CAST: variants seen among roughly 807,000 people sequenced by gnomAD.
CAST encodes the protein MIR583 host.
In CAST, 76 loss-of-function variants were observed where a neutral mutation model predicts 119.6. The ratio of observed to expected loss-of-function variants is 0.64; its 90% CI spans 0.53 to 0.77. The LOEUF is 0.77. Among genes scored for constraint, CAST ranks in the 30% least tolerant of loss-of-function variants. The pLI, the probability that CAST is intolerant of heterozygous loss-of-function variation, is 0.00. For synonymous variants in CAST, 319 were observed against 331.6 expected (o/e 0.96, Z 0.41); for missense variants, 953 against 946.5 (o/e 1.01, Z -0.09).
chr5:96,740,634 A>T, intron 12 of CAST, 111 bp from the exon 13 acceptor site: 1 of 759,670 alleles, frequency 1.3e-6, no homozygotes, highest in East Asian at 2.5e-5. Context: ...AGACTTGAAC[A>T]TATAGATCTG....
At chr5:96,467,851 A>G in the CAST span, among the ~76,000 whole-genome samples, 2 of 152,140 alleles carry the variant, frequency 1.3e-5, no homozygotes, top group African/African-American at 4.8e-5. Context: ...CTAAAAGTAG[A>G]TCTACTGTTC....
At chr5:96,727,857 A>G (rs1048131703) in intron 6 of CAST, among the ~76,000 whole-genome samples, 1 of 152,264 alleles carries the variant, frequency 6.6e-6, no homozygotes, top group African/African-American at 2.4e-5. Context: ...GGCAAAGAGT[A>G]GTAATGAATA....
chr5:96,457,580 C>T, the CAST span, among the ~76,000 whole-genome samples: 1 of 152,336 alleles, frequency 6.6e-6, no homozygotes, highest in South Asian at 2.1e-4. Flanking sequence ...AAACTCACTC[C>T]TACCTCAGTG....
At chr5:96,727,997 G>A (rs1759604787) in intron 6 of CAST, among the ~76,000 whole-genome samples, 1 of 152,148 alleles carries the variant, frequency 6.6e-6, no homozygotes, top group South Asian at 2.1e-4. Context: ...CTCAGTTGGT[G>A]GAGCTAGTTA....
the CAST span, among the ~76,000 whole-genome samples, chr5:96,416,658 A>G: frequency 2.6e-5 from 4 of 152,156 alleles, no homozygotes; most frequent in Non-Finnish European, 5.9e-5. Context: ...CTCTAAATAT[A>G]TGCCACACTA....
chr5:96,327,825 T>C, the CAST span, among the ~76,000 whole-genome samples: 1 of 152,258 alleles, frequency 6.6e-6, no homozygotes, highest in African/African-American at 2.4e-5. Context: ...AGCTTCTGTG[T>C]ATTTATAATG....
chr5:96,589,838 A>G (rs1175061855), intron 1 of CAST, among the ~76,000 whole-genome samples: 3 of 152,214 alleles, frequency 2.0e-5, no homozygotes, highest in African/African-American at 7.2e-5. Flanking sequence ...CGATTATAAG[A>G]AAAACAAATT....
chr5:96,626,124 C>G (rs927432875), intron 1 of CAST, among the ~76,000 whole-genome samples: 4 of 152,174 alleles, frequency 2.6e-5, no homozygotes, highest in African/African-American at 9.7e-5. Flanking sequence ...ATCTGCTTCT[C>G]CAATAAGGAC....
chr5:96,286,286 G>A, the CAST span, among the ~76,000 whole-genome samples: 1 of 152,174 alleles, frequency 6.6e-6, no homozygotes, highest in Non-Finnish European at 1.5e-5. Flanking sequence ...TACTCTAGTT[G>A]CCATAAAGGT....
intron 22 of CAST, 104 bp from the exon 23 acceptor site, chr5:96,757,340 C>T (rs1364762104): frequency 9.8e-6 from 10 of 1,015,932 alleles, no homozygotes; most frequent in Non-Finnish European, 1.5e-5. Context: ...TTAAAATGTA[C>T]AACAGCAAGT....
the CAST span, among the ~76,000 whole-genome samples, chr5:96,021,660 A>G: frequency 2.0e-5 from 3 of 151,992 alleles, no homozygotes; most frequent in Admixed American, 6.6e-5. Context: ...GTTAGCCAGG[A>G]TGGTCTTTAT....
At chr5:96,570,882 C>T (rs1370470284) in intron 1 of CAST, among the ~76,000 whole-genome samples, 1 of 152,140 alleles carries the variant, frequency 6.6e-6, no homozygotes. Context: ...TGAATGCTGT[C>T]ACAGACCAAG....
At chr5:96,287,559 C>G in the CAST span, among the ~76,000 whole-genome samples, 1 of 151,888 alleles carries the variant, frequency 6.6e-6, no homozygotes, top group Admixed American at 6.6e-5. Flanking sequence ...TTTTTCTTCC[C>G]TGTGGTATTA....
the CAST span, among the ~76,000 whole-genome samples, chr5:96,265,557 T>G: frequency 1.3e-5 from 2 of 152,070 alleles, no homozygotes; most frequent in Non-Finnish European, 2.9e-5. Flanking sequence ...AATTTGCCCT[T>G]CCTCTACCTT....
At chr5:96,383,603 G>A in the CAST span, among the ~76,000 whole-genome samples, 22 of 152,222 alleles carry the variant, frequency 1.4e-4, no homozygotes, top group African/African-American at 4.6e-4. Flanking sequence ...AGGCCACCAC[G>A]CCCAGCTAAT....
chr5:96,525,768 G>C (rs777648455), upstream of CAST, among the ~76,000 whole-genome samples: 1 of 152,196 alleles, frequency 6.6e-6, no homozygotes, highest in Non-Finnish European at 1.5e-5. Flanking sequence ...AACTGTAAAT[G>C]TGAGTTAGCT....
In CAST at chr5:96,665,725, A is replaced by AACAC. The variant is rs143855509; in HGVS notation, c.75+3242_75+3245dup. 8.7e-3 allele frequency among the ~76,000 whole-genome samples: 1,319 copies of AACAC among 150,750 alleles called. 14 individuals carry two copies. Among genetic ancestry groups the AACAC allele is most frequent in the African/African-American group, 0.03 (1,253 of 41,200 alleles). On this transcript the variant is annotated intron_variant, in intron 1 of 31. Transcript: ENST00000675179. ...CCAAAGGTCCATGGAGCCAGTTTAT[A>AACAC]ACACACACACACACACATACACACA...
At chr5:95,981,841 C>G in the CAST span, among the ~76,000 whole-genome samples, 34 of 152,188 alleles carry the variant, frequency 2.2e-4, no homozygotes, top group Middle Eastern at 3.4e-3. Flanking sequence ...CACCACTGCA[C>G]TCCAGCCTGG....
chr5:96,452,674 G>A, the CAST span, among the ~76,000 whole-genome samples: 1 of 140,552 alleles, frequency 7.1e-6, no homozygotes, highest in East Asian at 2.1e-4. Flanking sequence ...AAAGAGGCCG[G>A]GCGCGGTGGC....
Sources: allele counts gnomAD v4.1 joint callset (sites outside exome capture counted in the v4.1 genomes callset), GRCh38; gene constraint gnomAD v4.1.1; transcripts MANE v1.5; gene names NCBI Gene and HGNC (gene_info 2026-07-23, HGNC 2026-07-21).